The following PHYHIPL variants were observed in gnomAD, a reference collection of about 807,000 sequenced individuals.
PHYHIPL encodes phytanoyl-CoA hydroxylase-interacting protein-like.
Under a neutral mutation model 33.4 loss-of-function variants are expected in PHYHIPL, and 9 were observed. The observed-to-expected ratio is 0.27, with a 90% CI of 0.16 to 0.47. The LOEUF (loss-of-function observed/expected upper bound fraction) is 0.47. Ranked by LOEUF, PHYHIPL falls within the 20% of genes least tolerant of loss-of-function variation. The probability of loss-of-function intolerance (pLI) is 0.99; values close to 1 mark genes in which losing one functional copy is unlikely to be tolerated. For missense variants in PHYHIPL, 365 were observed against 460.7 expected (o/e 0.79, Z 1.90); for synonymous variants, 153 against 154.1 (o/e 0.99, Z 0.05).
chr10:59,195,025 CT>C (rs1333751429), intron 1 of PHYHIPL, among the ~76,000 whole-genome samples: 1 of 151,860 alleles, frequency 6.6e-6, no homozygotes, highest in Non-Finnish European at 1.5e-5. Context: ...AAAATGACCC[CT>C]GAGAAAGAAA....
chr10:59,205,846 T>TGA (rs1176549346), intron 1 of PHYHIPL, among the ~76,000 whole-genome samples: 3 of 152,198 alleles, frequency 2.0e-5, no homozygotes, highest in African/African-American at 7.2e-5. Context: ...AGTCTTAGCC[T>TGA]GATAATTTTT....
intron 1 of PHYHIPL, among the ~76,000 whole-genome samples, chr10:59,228,981 A>C (rs1375348720): frequency 4.6e-5 from 7 of 152,178 alleles, no homozygotes; most frequent in Non-Finnish European, 1.0e-4. Context: ...AATGGTGCCC[A>C]GAATATGATC....
At chr10:59,208,338 C>T (rs1176457758) in intron 1 of PHYHIPL, among the ~76,000 whole-genome samples, 1 of 152,106 alleles carries the variant, frequency 6.6e-6, no homozygotes, top group Non-Finnish European at 1.5e-5. Flanking sequence ...GGAGACTGAA[C>T]GTTAGAAGGA....
rs191163587 is a variant in PHYHIPL at position 59,187,696 on chromosome 10, G to C, written c.106+10737G>C. Among the ~76,000 whole-genome samples the C allele has an allele frequency of 4.0e-3, 613 of 152,222 alleles. 4 individuals are homozygous for C. Among genetic ancestry groups the C allele is most frequent in the African/African-American group, 0.011 (458 of 41,532 alleles). ...ACTTCTTCCTGGTTTAGTCTTGGGAGGGTGTATGTGTCGAGGAATTTATCC... is the reference window on the plus strand; with the variant it reads ...ACTTCTTCCTGGTTTAGTCTTGGGACGGTGTATGTGTCGAGGAATTTATCC... On this transcript the variant is annotated intron_variant, in intron 1 of 4. Transcript: ENST00000373880.
At chr10:59,230,872 A>G (rs1840061298) in intron 1 of PHYHIPL, among the ~76,000 whole-genome samples, 1 of 152,064 alleles carries the variant, frequency 6.6e-6, no homozygotes, top group Non-Finnish European at 1.5e-5. Flanking sequence ...CTTATTGGCA[A>G]TTTGTTGAAA....
chr10:59,198,679 A>G (rs1763955227), intron 1 of PHYHIPL, among the ~76,000 whole-genome samples: 1 of 152,288 alleles, frequency 6.6e-6, no homozygotes, highest in African/African-American at 2.4e-5. Context: ...TAACAGTGTA[A>G]AAGTGTTCCT....
intron 1 of PHYHIPL, among the ~76,000 whole-genome samples, chr10:59,231,981 A>G (rs984033715): frequency 1.3e-5 from 2 of 152,082 alleles, no homozygotes; most frequent in African/African-American, 4.8e-5. Context: ...TGTAAGAGGA[A>G]ACAAAACTGA....
At chr10:59,239,427 C>T (rs150814292) in intron 4 of PHYHIPL, among the ~76,000 whole-genome samples, 250 of 152,086 alleles carry the variant, frequency 1.6e-3, no homozygotes, top group African/African-American at 5.9e-3. Context: ...TCCCCCTCCC[C>T]ATAATTCAAT....
chr10:59,221,653 G>A (rs1839780064), intron 1 of PHYHIPL: 1 of 983,662 alleles, frequency 1.0e-6, no homozygotes, highest in South Asian at 4.7e-5. Context: ...AGAATTTTGT[G>A]TTTCTTCTAT....
chr10:59,191,212 A>T (rs1564702794), intron 1 of PHYHIPL, among the ~76,000 whole-genome samples: 2 of 151,970 alleles, frequency 1.3e-5, no homozygotes, highest in Non-Finnish European at 2.9e-5. Flanking sequence ...ACCCATATAT[A>T]TTCTCATTGA....
chr10:59,229,248 T>C lies in PHYHIPL; in HGVS notation c.107-5056T>C, dbSNP rs563955333. ...TAGTTAAAATAAGAACTTTGATAGT[T>C]AGTTTGTCTCAGTATGAAGCTATTA... On this transcript the variant is annotated intron_variant, in intron 1 of 4. Coordinates refer to ENST00000373880, the MANE Select transcript of PHYHIPL (RefSeq NM_032439.4). Among the ~76,000 whole-genome samples the C allele has an allele frequency of 2.0e-5, 3 of 146,700 alleles. No homozygotes were observed. In the South Asian group the frequency reaches 6.2e-4, roughly 30 times the overall value.
intron 1 of PHYHIPL, among the ~76,000 whole-genome samples, chr10:59,198,728 C>A (rs1839000148): frequency 7.0e-6 from 1 of 143,008 alleles, no homozygotes; most frequent in Non-Finnish European, 1.5e-5. Context: ...TGTTTCCTGA[C>A]TTTTTAATGA....
intron 1 of PHYHIPL, among the ~76,000 whole-genome samples, chr10:59,222,993 A>T (rs1435550560): frequency 6.6e-6 from 1 of 152,106 alleles, no homozygotes; most frequent in African/African-American, 2.4e-5. Flanking sequence ...AGGTCAAACA[A>T]CTCCATGTAG....
intron 1 of PHYHIPL, among the ~76,000 whole-genome samples, chr10:59,188,683 GTTC>G (rs1211837269): frequency 6.6e-6 from 1 of 152,170 alleles, no homozygotes; most frequent in African/African-American, 2.4e-5. Context: ...AGGATAGTTA[GTTC>G]TTCTTGTTGA....
rs1397297297 is a variant in PHYHIPL, at chr10:59,246,425, T to C, written c.*834T>C. 1 of 359,828 alleles carries C rather than the reference T, an allele frequency of 2.8e-6. No individual in the cohort carries two copies. Among genetic ancestry groups the C allele is most frequent in the Non-Finnish European group, 5.0e-6 (1 of 201,802 alleles). The allele number at this position is 359,828 out of a possible 1,614,324, so 22.3% of individuals were successfully genotyped here. On this transcript the variant is annotated 3_prime_UTR_variant, in exon 5 of 5. Coordinates refer to ENST00000373880, the MANE Select transcript of PHYHIPL (RefSeq NM_032439.4). ...ATAAGTCTGTTTCTGAAATAGTCAA[T>C]AGTCTTCCCATCCAAACTATAAGAG...
At chr10:59,211,009 A>G (rs2133238125) in intron 1 of PHYHIPL, among the ~76,000 whole-genome samples, 1 of 152,076 alleles carries the variant, frequency 6.6e-6, no homozygotes, top group South Asian at 2.1e-4. Context: ...GTGTATACCT[A>G]TGTAACAAAC....
At chr10:59,227,028 A>G (rs536489797) in intron 1 of PHYHIPL, among the ~76,000 whole-genome samples, 1 of 152,354 alleles carries the variant, frequency 6.6e-6, no homozygotes, top group East Asian at 1.9e-4. Flanking sequence ...GATTTAAAGC[A>G]AAAAGTGAAA....
At chr10:59,240,448 A>AG (rs1840359139) in intron 4 of PHYHIPL, among the ~76,000 whole-genome samples, 1 of 152,040 alleles carries the variant, frequency 6.6e-6, no homozygotes, top group African/African-American at 2.4e-5. Flanking sequence ...ATTTTCAGAT[A>AG]ACTTACGTTA....
upstream of PHYHIPL, among the ~76,000 whole-genome samples, chr10:59,175,215 A>T (rs578066122): frequency 1.3e-5 from 2 of 152,368 alleles, no homozygotes; most frequent in African/African-American, 4.8e-5. Flanking sequence ...GAATTCTTTC[A>T]AACTTCAAAA....
Sources: gnomAD v4.1 joint callset for allele counts (sites outside exome capture counted in the v4.1 genomes callset) on GRCh38, gnomAD v4.1.1 for gene constraint, MANE v1.5 for transcripts, NCBI Gene and HGNC (gene_info 2026-07-23, HGNC 2026-07-21) for gene names.